The following EXT2 variants were observed in gnomAD, a reference collection of about 807,000 sequenced individuals.
The protein encoded by EXT2 is exostosin glycosyltransferase 2, also known as exostosin-2.
Under a neutral mutation model 81.6 loss-of-function variants are expected in EXT2, and 53 were observed. That is an observed-to-expected ratio of 0.65 (90% CI 0.52 to 0.82). EXT2 has a LOEUF of 0.82. Among genes scored for constraint, EXT2 ranks in the 40% least tolerant of loss-of-function variants. EXT2 has a pLI of 0.00. For synonymous variants in EXT2, 320 were observed against 340.0 expected (o/e 0.94, Z 0.65); for missense variants, 774 against 910.2 (o/e 0.85, Z 1.93).
chr11:44,204,289 T>C (rs1955555618), intron 9 of EXT2, among the ~76,000 whole-genome samples: 1 of 152,228 alleles, frequency 6.6e-6, no homozygotes, highest in East Asian at 1.9e-4. Context: ...AGTGACATCA[T>C]TTCCCACAGC....
chr11:44,209,782 G>A (rs778123993), intron 10 of EXT2, among the ~76,000 whole-genome samples: 3 of 152,116 alleles, frequency 2.0e-5, no homozygotes, highest in African/African-American at 2.4e-5. Context: ...GTCAGGTTGG[G>A]TTCAGAGTAC....
chr11:44,165,225 A>G (rs942883194), intron 7 of EXT2, among the ~76,000 whole-genome samples: 3 of 152,178 alleles, frequency 2.0e-5, no homozygotes, highest in African/African-American at 7.2e-5. Flanking sequence ...TAGGGGAGAA[A>G]AAGCCATAAT....
intron 10 of EXT2, among the ~76,000 whole-genome samples, chr11:44,216,543 T>C (rs1240919874): frequency 1.3e-5 from 2 of 152,166 alleles, no homozygotes; most frequent in Non-Finnish European, 2.9e-5. Flanking sequence ...CCAGATCTTA[T>C]TTCGTTCAGG....
chr11:44,130,083 T>C lies in EXT2; in HGVS notation c.1118T>C (p.Val373Ala), dbSNP rs1373547270. 4 of 1,613,990 alleles carry C rather than the reference T, an allele frequency of 2.5e-6. No homozygotes were observed. The African/African-American group carries it at 4.0e-5, about 16-fold the overall frequency. ...VVVPEEKMSD[V>A]YSILQSIPQR... ...GTACCAGAAGAAAAGATGTCAGATG[T>C]GTACAGTATTTTGCAGAGCATCCCC... Residue 373 changes from valine to alanine, a missense_variant, in exon 7 of 14, where the codon GTG (valine) becomes GCG (alanine). Coordinates refer to ENST00000533608, the MANE Select transcript of EXT2 (RefSeq NM_207122.2).
chr11:44,136,549 G>A (rs1217740224), intron 7 of EXT2, among the ~76,000 whole-genome samples: 1 of 152,120 alleles, frequency 6.6e-6, no homozygotes, highest in East Asian at 1.9e-4. Context: ...GAGACATTTA[G>A]GACTGGACAC....
chr11:44,154,353 T>C (rs1276521374), intron 7 of EXT2, among the ~76,000 whole-genome samples: 2 of 152,114 alleles, frequency 1.3e-5, no homozygotes, highest in Non-Finnish European at 2.9e-5. Context: ...TTCAGTTGTT[T>C]TAATTTTTAG....
At chr11:44,233,982 C>A in intron 11 of EXT2, 133 bp from the exon 12 acceptor site, 1 of 1,266,336 alleles carries the variant, frequency 7.9e-7, no homozygotes, top group Non-Finnish European at 1.1e-6. Flanking sequence ...TTTTACCCTT[C>A]CTATTAATAC....
chr11:44,180,623 A>C (rs1381547296), intron 8 of EXT2, among the ~76,000 whole-genome samples: 1 of 152,152 alleles, frequency 6.6e-6, no homozygotes, highest in Non-Finnish European at 1.5e-5. Flanking sequence ...ATTGCTCTCC[A>C]GGTCTCCTGT....
chr11:44,222,776 C>A lies in EXT2; in HGVS notation c.1663-9577C>A, dbSNP rs545682012. ...CATGATCCATAAAAAAAAAAATTGACCAATGAGACCTCATCAAAATGTAAA... is the reference window on the plus strand; with the variant it reads ...CATGATCCATAAAAAAAAAAATTGAACAATGAGACCTCATCAAAATGTAAA... On this transcript the variant is annotated intron_variant, in intron 10 of 13. Transcript: ENST00000533608. Among the ~76,000 whole-genome samples, 8 of 149,920 alleles carry A rather than the reference C, an allele frequency of 5.3e-5. No individual in the cohort carries two copies. The South Asian group carries it at 1.7e-3, about 32-fold the overall frequency.
chr11:44,112,585 T>C (rs1437875536), intron 3 of EXT2, among the ~76,000 whole-genome samples: 1 of 152,172 alleles, frequency 6.6e-6, no homozygotes, highest in Non-Finnish European at 1.5e-5. Flanking sequence ...TACAGTGCCT[T>C]AGAGTGCATG....
chr11:44,214,867 T>C (rs1171128054), intron 10 of EXT2, among the ~76,000 whole-genome samples: 1 of 151,730 alleles, frequency 6.6e-6, no homozygotes, highest in Admixed American at 6.6e-5. Flanking sequence ...TTCTCCCACC[T>C]CAGTCTCCCC....
intron 10 of EXT2, among the ~76,000 whole-genome samples, chr11:44,223,897 C>T (rs1246154644): frequency 4.6e-5 from 7 of 152,098 alleles, no homozygotes; most frequent in African/African-American, 1.7e-4. Context: ...GTGATCCACC[C>T]GCCTCGGCCT....
intron 7 of EXT2, among the ~76,000 whole-genome samples, chr11:44,165,712 G>C (rs1052646288): frequency 6.6e-6 from 1 of 152,220 alleles, no homozygotes; most frequent in Admixed American, 6.5e-5. Flanking sequence ...TGACTTAAAA[G>C]AATATATGAT....
At chr11:44,190,269 G>A (rs1955374560) in intron 8 of EXT2, among the ~76,000 whole-genome samples, 2 of 152,032 alleles carry the variant, frequency 1.3e-5, no homozygotes. Flanking sequence ...ATGCATAATT[G>A]GAGCAAAAAA....
intron 13 of EXT2, among the ~76,000 whole-genome samples, chr11:44,243,083 A>G (rs768286678): frequency 3.3e-5 from 5 of 152,140 alleles, no homozygotes; most frequent in Non-Finnish European, 7.4e-5. Context: ...ATAATAACAA[A>G]TTTTTTTAGA....
intron 10 of EXT2, among the ~76,000 whole-genome samples, 181 bp from the exon 11 acceptor site, chr11:44,232,172 T>C (rs1353352921): frequency 6.6e-6 from 1 of 152,170 alleles, no homozygotes; most frequent in African/African-American, 2.4e-5. Context: ...AGCATCTGTC[T>C]TTGAGTTTTG....
At chr11:44,155,765 G>A (rs1037571955) in intron 7 of EXT2, among the ~76,000 whole-genome samples, 1 of 152,068 alleles carries the variant, frequency 6.6e-6, no homozygotes, top group African/African-American at 2.4e-5. Context: ...GATATGAATA[G>A]TTTACACACC....
intron 6 of EXT2, among the ~76,000 whole-genome samples, chr11:44,129,384 T>C (rs1954456560): frequency 6.6e-6 from 1 of 152,226 alleles, no homozygotes; most frequent in South Asian, 2.1e-4. Flanking sequence ...CATTTCTTCT[T>C]TCCTGGTGTT....
chr11:44,229,815 C>G (rs977742982), intron 10 of EXT2, among the ~76,000 whole-genome samples: 10 of 152,030 alleles, frequency 6.6e-5, no homozygotes, highest in Admixed American at 6.6e-4. Flanking sequence ...ATTTTTGGTC[C>G]CCTTCATTCT....
Sources: gnomAD v4.1 joint callset for allele counts (sites outside exome capture counted in the v4.1 genomes callset) on GRCh38, gnomAD v4.1.1 for gene constraint, MANE v1.5 for transcripts, NCBI Gene and HGNC (gene_info 2026-07-23, HGNC 2026-07-21) for gene names.